The following CADM2 variants were observed in gnomAD, a reference collection of about 807,000 sequenced individuals.
CADM2 encodes immunoglobulin superfamily member 4D.
A neutral mutation model predicts 49.8 loss-of-function variants in CADM2; 12 were observed. The ratio of observed to expected loss-of-function variants is 0.24; its 90% CI spans 0.15 to 0.39. The LOEUF is 0.39. Among genes scored for constraint, CADM2 ranks in the 10% least tolerant of loss-of-function variants. The pLI is 1.00. For synonymous variants in CADM2, 214 were observed against 175.4 expected (o/e 1.22, Z -1.74); for missense variants, 378 against 492.3 (o/e 0.77, Z 2.20).
intron 1 of CADM2, among the ~76,000 whole-genome samples, chr3:85,588,324 A>T (rs1270380085): frequency 1.3e-5 from 2 of 151,914 alleles, no homozygotes; most frequent in African/African-American, 4.8e-5. Context: ...GTGGTTAAGG[A>T]TGTAGAGATG....
chr3:85,443,555 T>C (rs1436009530), intron 1 of CADM2, among the ~76,000 whole-genome samples: 2 of 152,142 alleles, frequency 1.3e-5, no homozygotes, highest in Non-Finnish European at 2.9e-5. Flanking sequence ...TTTGTCAAGA[T>C]CACCAGTGCC....
At chr3:85,377,956 A>G (rs1260939624) in intron 1 of CADM2, among the ~76,000 whole-genome samples, 1 of 152,076 alleles carries the variant, frequency 6.6e-6, no homozygotes, top group Non-Finnish European at 1.5e-5. Context: ...ATAGCTTTGT[A>G]GCTAAGATAG....
chr3:85,743,065 A>G (rs1313685618), intron 2 of CADM2, among the ~76,000 whole-genome samples: 1 of 152,156 alleles, frequency 6.6e-6, no homozygotes, highest in Non-Finnish European at 1.5e-5. Context: ...AATAACAATA[A>G]TAAAAGCCCC....
chr3:84,997,272 C>G (rs149741743), intron 1 of CADM2, among the ~76,000 whole-genome samples: 26 of 152,170 alleles, frequency 1.7e-4, no homozygotes, highest in African/African-American at 6.3e-4. Context: ...GGGTATCACT[C>G]TCATTGTCAT....
At position 85,270,435 on chromosome 3, in the gene CADM2, G is replaced by A. The variant is rs142961001; in HGVS notation, c.61+310767G>A. Among the ~76,000 whole-genome samples, 95 of 151,352 alleles carry A rather than the reference G, an allele frequency of 6.3e-4. No individual in the cohort carries two copies. The East Asian group carries it at 0.012, about 20-fold the overall frequency. On this transcript the variant is annotated intron_variant, in intron 1 of 9. Coordinates refer to ENST00000383699, the MANE Select transcript of CADM2 (RefSeq NM_001167675.2). ...TTTGTGTTTCATAAAGAGATAAAGC[G>A]TTCATATTTTGTACCTAGTCACACC... is the stretch of plus-strand genomic sequence containing the variant.
chr3:85,176,016 C>T (rs1455270747), intron 1 of CADM2, among the ~76,000 whole-genome samples: 2 of 148,504 alleles, frequency 1.3e-5, no homozygotes, highest in Non-Finnish European at 1.5e-5. Flanking sequence ...GCAAGCTCCG[C>T]CTCCCGGGTT....
intron 8 of CADM2, among the ~76,000 whole-genome samples, chr3:85,964,349 A>G (rs73843529): frequency 0.066 from 10,003 of 151,616 alleles, 881 homozygotes; most frequent in African/African-American, 0.2. Context: ...CTCTACCACA[A>G]TTGCTTAGAT....
rs1475760325 is a variant in CADM2, at chr3:85,730,463, A to ATAAAG, written c.88+3919_88+3920insGTAAA. Among the ~76,000 whole-genome samples the ATAAAG allele has an allele frequency of 2.2e-3, 332 of 151,760 alleles. 1 individual carries two copies. The highest frequency in any genetic ancestry group is 7.7e-3 in the African/African-American group (318 of 41,442). On this transcript the variant is annotated intron_variant, in intron 2 of 9. Transcript: ENST00000383699. ...TCTAAATAAAATAAAATAAAATAAA[A>ATAAAG]TAAAATAAAATAAAATATAAAAAAT...
chr3:85,537,093 A>T (rs2061436088), intron 1 of CADM2, among the ~76,000 whole-genome samples: 1 of 152,004 alleles, frequency 6.6e-6, no homozygotes, highest in South Asian at 2.1e-4. Flanking sequence ...CAGTTCTGAG[A>T]ATTGTTTCTT....
chr3:85,139,837 A>G (rs2039524336), intron 1 of CADM2, among the ~76,000 whole-genome samples: 1 of 152,158 alleles, frequency 6.6e-6, no homozygotes, highest in Admixed American at 6.6e-5. Flanking sequence ...TACATTTACT[A>G]CTTATAAGGG....
chr3:85,938,718 C>G (rs2108546066), intron 7 of CADM2, among the ~76,000 whole-genome samples: 1 of 152,016 alleles, frequency 6.6e-6, no homozygotes, highest in African/African-American at 2.4e-5. Flanking sequence ...AATACTATAG[C>G]TTAGTATTAA....
intron 8 of CADM2, among the ~76,000 whole-genome samples, chr3:86,027,052 T>C (rs1733984779): frequency 6.6e-6 from 1 of 152,128 alleles, no homozygotes; most frequent in South Asian, 2.1e-4. Context: ...GAAGGAAGAA[T>C]AAAATTATTT....
At chr3:85,468,712 A>ATTAC (rs1170355409) in intron 1 of CADM2, among the ~76,000 whole-genome samples, 1 of 152,210 alleles carries the variant, frequency 6.6e-6, no homozygotes, top group Admixed American at 6.5e-5. Context: ...CGTGGGATAC[A>ATTAC]TTAAGTGGGG....
intron 5 of CADM2, among the ~76,000 whole-genome samples, chr3:85,899,627 A>G (rs550987664): frequency 6.6e-6 from 1 of 152,250 alleles, no homozygotes; most frequent in South Asian, 2.1e-4. Flanking sequence ...CAAGTTATTT[A>G]GAGGTTAGTC....
chr3:85,814,871 T>G (rs573561099), intron 3 of CADM2, among the ~76,000 whole-genome samples: 1 of 152,070 alleles, frequency 6.6e-6, no homozygotes, highest in South Asian at 2.1e-4. Flanking sequence ...TCTATAGTAT[T>G]CTATAGAATA....
chr3:85,658,682 T>TA (rs2065297108), intron 1 of CADM2, among the ~76,000 whole-genome samples: 1 of 145,650 alleles, frequency 6.9e-6, no homozygotes, highest in Non-Finnish European at 1.5e-5. Context: ...AAATTTCCAG[T>TA]AAAAAATGAA....
intron 8 of CADM2, chr3:85,993,894 T>C (rs1234003216): frequency 6.6e-6 from 1 of 152,132 alleles, no homozygotes; most frequent in Admixed American, 6.6e-5. Flanking sequence ...GGCCTTGTTA[T>C]AACATTGATG....
intron 1 of CADM2, among the ~76,000 whole-genome samples, chr3:85,162,169 TC>T (rs2040347241): frequency 1.3e-5 from 2 of 152,146 alleles, no homozygotes; most frequent in Non-Finnish European, 2.9e-5. Flanking sequence ...CTGCTTACAT[TC>T]GAGGGTGTGG....
intron 1 of CADM2, among the ~76,000 whole-genome samples, chr3:85,266,044 T>C (rs1190423955): frequency 6.6e-6 from 1 of 151,804 alleles, no homozygotes; most frequent in Non-Finnish European, 1.5e-5. Flanking sequence ...TGAAAGAAAA[T>C]AGTCTCATAA....
Sources: gnomAD v4.1 joint callset for allele counts (sites outside exome capture counted in the v4.1 genomes callset) on GRCh38, gnomAD v4.1.1 for gene constraint, MANE v1.5 for transcripts, NCBI Gene and HGNC (gene_info 2026-07-23, HGNC 2026-07-21) for gene names.